The following TRIOBP variants were observed in gnomAD, a reference collection of about 807,000 sequenced individuals.
TRIOBP encodes the protein TRIO and F-actin-binding protein.
Under a neutral mutation model 238.8 loss-of-function variants are expected in TRIOBP, and 169 were observed. The ratio of observed to expected loss-of-function variants is 0.71; its 90% CI spans 0.62 to 0.80. The LOEUF (loss-of-function observed/expected upper bound fraction) is 0.80. Among genes scored for constraint, TRIOBP ranks in the 30% least tolerant of loss-of-function variants. The pLI, the probability that TRIOBP is intolerant of heterozygous loss-of-function variation, is 0.00. For synonymous variants in TRIOBP, 1,150 were observed against 1,274.4 expected, an observed-to-expected ratio of 0.90 and a Z score of 2.08; for missense variants, 2,838 against 3,122.6, an observed-to-expected ratio of 0.91 and a Z score of 2.17.
intron 11 of TRIOBP, chr22:37,746,312 GGGCGGC>G (rs953748818): frequency 8.6e-5 from 97 of 1,128,602 alleles, no homozygotes; most frequent in East Asian, 2.3e-4. Context: ...CGGCCGAGAG[GGGCGGC>G]GGCGGCGGCG....
At position 37,765,831 on chromosome 22, in the gene TRIOBP, G is replaced by T. The variant is rs45503898; in HGVS notation, c.6472+14G>T. On this transcript the variant is annotated intron_variant, in intron 18 of 23. Coordinates refer to ENST00000644935, the MANE Select transcript of TRIOBP (RefSeq NM_001039141.3). ...CCACGGCCTCAGGTATGGACCCTGGGGGGGGCACAGTGGGCTGGGCTCTGA... is the reference window on the plus strand; with the variant it reads ...CCACGGCCTCAGGTATGGACCCTGGTGGGGGCACAGTGGGCTGGGCTCTGA... 2,553 of 1,586,036 alleles carry T rather than the reference G, an allele frequency of 1.6e-3. 45 individuals carry two copies. In the African/African-American group the frequency reaches 0.028, roughly 17 times the overall value.
Position 37,733,294 on chromosome 22 carries a change from A to G in TRIOBP, c.3948-4A>G, listed in dbSNP as rs1924511059. The G allele has an allele frequency of 1.1e-5, 17 of 1,549,466 alleles. No homozygotes were observed. Among genetic ancestry groups the G allele is most frequent in the Non-Finnish European group, 1.5e-5 (17 of 1,145,836 alleles). ...CTCAGAGGAGTGGCTGCATTTGCTC[A>G]TAGGAAGTCCGAGGCAGCGGGGGCC... On this transcript the variant is annotated splice_polypyrimidine_tract_variant and splice_region_variant and intron_variant, in intron 7 of 23. Coordinates refer to ENST00000644935, the MANE Select transcript of TRIOBP (RefSeq NM_001039141.3).
At position 37,723,689 on chromosome 22, in the gene TRIOBP, C is replaced by CCAGGA. The variant is rs770852626; in HGVS notation, c.1136_1140dup (p.Pro381GlyfsTer500). The CCAGGA allele has an allele frequency of 1.2e-6, 2 of 1,614,106 alleles. No homozygotes were observed. The highest frequency in any genetic ancestry group is 1.7e-6 in the Non-Finnish European group (2 of 1,179,986). ...ACTTGTACTCCCCAGCGGGAAAACCCCAGGACACCCTGTGTCCAGCAGGAC... is the reference window on the plus strand; with the variant it reads ...ACTTGTACTCCCCAGCGGGAAAACCCCAGGACAGGACACCCTGTGTCCAGCAGGAC... On this transcript the variant is annotated frameshift_variant, in exon 7 of 24. Transcript: ENST00000644935. LOFTEE classifies it high-confidence loss of function.
chr22:37,711,578 C>CAAAAAAAAAAAA (rs1185976077), intron 4 of TRIOBP, among the ~76,000 whole-genome samples: 1 of 18,036 alleles, frequency 5.5e-5, no homozygotes, highest in African/African-American at 1.7e-4. Context: ...GGCTCCGTCT[C>CAAAAAAAAAAAA]AAAAAAAAAA....
intron 15 of TRIOBP, 115 bp from the exon 16 acceptor site, chr22:37,757,498 G>A (rs1925990349): frequency 7.1e-7 from 1 of 1,410,492 alleles, no homozygotes; most frequent in African/African-American, 1.4e-5. Flanking sequence ...TCCTTCCCTG[G>A]GGTCTGTCTC....
At chr22:37,766,033 C>T (rs1195914107) in intron 18 of TRIOBP, among the ~76,000 whole-genome samples, 1 of 152,192 alleles carries the variant, frequency 6.6e-6, no homozygotes, top group Non-Finnish European at 1.5e-5. Context: ...CTCCCCACCC[C>T]CAACACCACC....
rs577933804 is a variant in TRIOBP, at chr22:37,765,835, G to GT, written c.6472+18_6472+19insT. ...GGCCTCAGGTATGGACCCTGGGGGG[G>GT]GCACAGTGGGCTGGGCTCTGAGCCT... On this transcript the variant is annotated intron_variant, in intron 18 of 23. Coordinates refer to ENST00000644935, the MANE Select transcript of TRIOBP (RefSeq NM_001039141.3). 27 of 1,584,820 alleles carry GT rather than the reference G, an allele frequency of 1.7e-5. No homozygotes were observed. Among genetic ancestry groups the GT allele is most frequent in the East Asian group, 9.1e-5 (4 of 43,976 alleles).
chr22:37,737,647 C>T lies in TRIOBP; in HGVS notation c.5107-995C>T, dbSNP rs137905859. On this transcript the variant is annotated intron_variant, in intron 9 of 23. Coordinates refer to ENST00000644935, the MANE Select transcript of TRIOBP (RefSeq NM_001039141.3). ...CTGCACTCCAGCCTGGGTGACAGAG[C>T]GAGACTCCATCTCAAAAAAAAAAAA... 1.9e-3 allele frequency among the ~76,000 whole-genome samples: 255 copies of T among 133,304 alleles called. 2 individuals carry two copies. The East Asian group carries it at 0.035, about 19-fold the overall frequency. 87.5% of individuals were successfully genotyped at this position (133,304 alleles called of 152,430 possible).
chr22:37,705,248 G>GTT (rs1407711594), intron 3 of TRIOBP, among the ~76,000 whole-genome samples: 4 of 151,762 alleles, frequency 2.6e-5, no homozygotes, highest in Non-Finnish European at 5.9e-5. Context: ...GGTGGTGGGT[G>GTT]CCTGTAATCC....
At chr22:37,729,120 G>A (rs1235406249) in intron 7 of TRIOBP, among the ~76,000 whole-genome samples, 2 of 152,024 alleles carry the variant, frequency 1.3e-5, no homozygotes, top group Non-Finnish European at 2.9e-5. Flanking sequence ...GTTTCACCCT[G>A]TTGCCCAGGC....
rs184567061 is a variant in TRIOBP at position 37,764,289 on chromosome 22, C to A, written c.6325-1381C>A. On this transcript the variant is annotated intron_variant, in intron 17 of 23. Coordinates refer to ENST00000644935, the MANE Select transcript of TRIOBP (RefSeq NM_001039141.3). ...CCCTACAATATCCTCCCTACCTTTT[C>A]TGTGTTTTCTGTGTTTTCCATTCAC... 6.4e-4 allele frequency among the ~76,000 whole-genome samples: 98 copies of A among 152,334 alleles called. 1 individual carries two copies. Among genetic ancestry groups the A allele is most frequent in the Admixed American group, 1.9e-3 (29 of 15,292 alleles).
Position 37,734,424 on chromosome 22 carries a change from C to T in TRIOBP, c.4088C>T (p.Ala1363Val), listed in dbSNP as rs1924560347. ...RQVTMLPAKQAELTRRSQAEP... is the reference protein window; with the variant it reads ...RQVTMLPAKQVELTRRSQAEP... Reference sequence around the variant, plus strand: ...GTGACCATGCTCCCTGCCAAACAGGCAGAACTGACCCGGCGGAGCCAAGCA... The same window carrying T: ...GTGACCATGCTCCCTGCCAAACAGGTAGAACTGACCCGGCGGAGCCAAGCA... Residue 1363 changes from alanine to valine, a missense_variant, in exon 9 of 24, where the codon GCA becomes GTA. Transcript: ENST00000644935. 2 of 1,613,250 alleles carry T rather than the reference C, an allele frequency of 1.2e-6. No individual in the cohort carries two copies. Among genetic ancestry groups the T allele is most frequent in the Non-Finnish European group, 8.5e-7 (1 of 1,179,948 alleles).
intron 4 of TRIOBP, among the ~76,000 whole-genome samples, chr22:37,711,602 A>AAAAAAAAAAAC: frequency 7.1e-6 from 1 of 140,608 alleles, no homozygotes; most frequent in East Asian, 2.1e-4. Flanking sequence ...ACAACAAAAA[A>AAAAAAAAAAAC]AAAAAACAAA....
intron 11 of TRIOBP, chr22:37,750,554 C>T (rs147977781): frequency 6.3e-5 from 28 of 441,600 alleles, no homozygotes; most frequent in East Asian, 3.6e-4. Context: ...AGGTGGAAGA[C>T]GGGGTGGGCA....
intron 10 of TRIOBP, among the ~76,000 whole-genome samples, chr22:37,740,589 A>C (rs1247610881): frequency 2.0e-5 from 3 of 152,216 alleles, no homozygotes; most frequent in African/African-American, 7.2e-5. Context: ...AAATACTCTG[A>C]AAACACTATG....
chr22:37,716,533 G>T (rs1487915511), intron 6 of TRIOBP, among the ~76,000 whole-genome samples: 1 of 152,062 alleles, frequency 6.6e-6, no homozygotes, highest in Non-Finnish European at 1.5e-5. Flanking sequence ...GGGTTCAAGA[G>T]ATTCTCCTGC....
Position 37,725,616 on chromosome 22 carries a change from C to G in TRIOBP, c.3060C>G (p.His1020Gln). Residue 1020 changes from histidine (H) to glutamine (Q), a missense_variant, in exon 7 of 24, where the codon CAC becomes CAG. This residue lies in a region of TRIOBP where 2,096 missense variants were observed against 2,137.4 expected (regional missense o/e 0.98). Transcript: ENST00000644935. ...CTCCATGTGCTGTGTGCATTGGGCA[C>G]CGGGATGCCCCTCGAGCCTCTTCGC... ...SQPPCAVCIG[H>Q]RDAPRASSPP... 6.2e-7 allele frequency: 1 copy of G among 1,613,954 alleles called. No homozygotes were observed. The highest frequency in any genetic ancestry group is 8.5e-7 in the Non-Finnish European group (1 of 1,179,952).
chr22:37,743,185 G>C (rs1925028525), intron 11 of TRIOBP, among the ~76,000 whole-genome samples: 1 of 152,218 alleles, frequency 6.6e-6, no homozygotes, highest in African/African-American at 2.4e-5. Context: ...AAGAGCTAGG[G>C]ATGGAACTGC....
chr22:37,770,714 A>G (rs1926732965), intron 21 of TRIOBP, among the ~76,000 whole-genome samples: 1 of 140,598 alleles, frequency 7.1e-6, no homozygotes, highest in East Asian at 2.2e-4. Context: ...AGACGGAGTC[A>G]CTCTGTCACC....
Sources: gnomAD v4.1 joint callset for allele counts (sites outside exome capture counted in the v4.1 genomes callset) on GRCh38, gnomAD v4.1.1 for gene constraint, gnomAD v4.1.1 regional missense constraint, MANE v1.5 for transcripts, NCBI Gene and HGNC (gene_info 2026-07-23, HGNC 2026-07-21) for gene names.